The following DNAH14 variants were observed in gnomAD, a reference collection of about 807,000 sequenced individuals.
The protein encoded by DNAH14 is dynein axonemal heavy chain 14.
In DNAH14, 478 loss-of-function variants were observed where a neutral mutation model predicts 520.9. That is an observed-to-expected ratio of 0.92 (90% confidence interval 0.85 to 0.99). DNAH14 has a LOEUF of 0.99. Ranked by LOEUF, DNAH14 falls within the 50% of genes least tolerant of loss-of-function variation. The pLI is 0.00. For missense variants in DNAH14, 4,831 were observed against 5,234.5 expected (o/e 0.92, Z 2.38); for synonymous variants, 1,581 against 1,757.2 (o/e 0.90, Z 2.51).
At chr1:225,062,118 G>T (rs2070223903) in intron 17 of DNAH14, among the ~76,000 whole-genome samples, 1 of 147,032 alleles carries the variant, frequency 6.8e-6, no homozygotes, top group South Asian at 2.2e-4. Context: ...GGGCAATGTG[G>T]TGAAAACCCA....
At chr1:224,981,883 A>C (rs920094974) in intron 8 of DNAH14, among the ~76,000 whole-genome samples, 2 of 152,142 alleles carry the variant, frequency 1.3e-5, no homozygotes, top group African/African-American at 4.8e-5. Context: ...AATATTAGGG[A>C]AAGTTATAGG....
At chr1:225,013,900 G>T (rs1310225998) in intron 10 of DNAH14, among the ~76,000 whole-genome samples, 1 of 152,134 alleles carries the variant, frequency 6.6e-6, no homozygotes, top group African/African-American at 2.4e-5. Context: ...CTCCTTGGGG[G>T]TGGGATCTGT....
intron 37 of DNAH14, among the ~76,000 whole-genome samples, chr1:225,189,110 T>A (rs374704285): frequency 8.6e-5 from 13 of 151,858 alleles, no homozygotes; most frequent in African/African-American, 2.7e-4. Flanking sequence ...GATATGATCG[T>A]GTGGTTTCTT....
At chr1:225,208,490 A>G (rs555438979) in intron 41 of DNAH14, among the ~76,000 whole-genome samples, 1 of 152,186 alleles carries the variant, frequency 6.6e-6, no homozygotes, top group African/African-American at 2.4e-5. Context: ...TATACAACAA[A>G]TATGTTTCTA....
At chr1:224,951,022 G>T (rs1485035954) in intron 1 of DNAH14, among the ~76,000 whole-genome samples, 1 of 151,884 alleles carries the variant, frequency 6.6e-6, no homozygotes, top group African/African-American at 2.4e-5. Flanking sequence ...TTTACTCTTT[G>T]GCTCTTTTTA....
chr1:225,206,882 G>A, intron 40 of DNAH14, 86 bp from the exon 41 acceptor site: 1 of 1,169,804 alleles, frequency 8.5e-7, no homozygotes, highest in Non-Finnish European at 1.1e-6. Flanking sequence ...AGAGGGCAGT[G>A]GTGAAGTAAA....
At chr1:224,973,117 G>T (rs879754738) in intron 7 of DNAH14, among the ~76,000 whole-genome samples, 1 of 152,218 alleles carries the variant, frequency 6.6e-6, no homozygotes, top group Non-Finnish European at 1.5e-5. Context: ...TTAAGGTCAA[G>T]TTACTAGATT....
rs114417593 is a variant in DNAH14, at chr1:225,124,291, C to T, written c.4254+677C>T. ...AAAATTAGATAACAATGAAGTTTGCCACATGGCTTGACTCTTCCTTTCCCA... is the reference window on the plus strand; with the variant it reads ...AAAATTAGATAACAATGAAGTTTGCTACATGGCTTGACTCTTCCTTTCCCA... On this transcript the variant is annotated intron_variant, in intron 27 of 85. Transcript: ENST00000682510. Among the ~76,000 whole-genome samples, 765 of 152,268 alleles carry T rather than the reference C, an allele frequency of 5.0e-3. 6 individuals are homozygous for T. The highest frequency in any genetic ancestry group is 0.017 in the African/African-American group (722 of 41,542).
At chr1:225,024,024 T>G in intron 11 of DNAH14, 159 bp downstream of exon 11, 1 of 1,350,686 alleles carries the variant, frequency 7.4e-7, no homozygotes. Context: ...ACTTATTATT[T>G]GGTAATACCT....
At chr1:225,343,085 C>T (rs1342676954) in intron 69 of DNAH14, among the ~76,000 whole-genome samples, 1 of 152,190 alleles carries the variant, frequency 6.6e-6, no homozygotes, top group Non-Finnish European at 1.5e-5. Context: ...AACTTTTCCC[C>T]ACCGGAAGGA....
intron 61 of DNAH14, among the ~76,000 whole-genome samples, chr1:225,320,427 T>A (rs2094537605): frequency 6.6e-6 from 1 of 152,244 alleles, no homozygotes; most frequent in South Asian, 2.1e-4. Flanking sequence ...AGCCTTGTCT[T>A]TGAACTCCTT....
At chr1:225,187,737 T>A (rs185444644) in intron 37 of DNAH14, among the ~76,000 whole-genome samples, 2 of 152,026 alleles carry the variant, frequency 1.3e-5, no homozygotes, top group Admixed American at 6.6e-5. Flanking sequence ...ATTGGCCATT[T>A]GTGTATCTTC....
chr1:225,373,644 T>C (rs7518221), intron 77 of DNAH14, among the ~76,000 whole-genome samples: 79,290 of 152,072 alleles, frequency 0.52, 22,864 homozygotes, highest in Middle Eastern at 0.71. Flanking sequence ...ACAAGAATTC[T>C]GTCAATGGTG....
At chr1:225,195,078 C>T (rs1222736513) in intron 38 of DNAH14, among the ~76,000 whole-genome samples, 1 of 152,096 alleles carries the variant, frequency 6.6e-6, no homozygotes, top group African/African-American at 2.4e-5. Flanking sequence ...TTAGTTCAGC[C>T]ACTGTGGAAA....
At chr1:225,112,630 C>A (rs2076569198) in intron 23 of DNAH14, among the ~76,000 whole-genome samples, 3 of 151,930 alleles carry the variant, frequency 2.0e-5, no homozygotes, top group African/African-American at 7.3e-5. Context: ...ATTTTTCTAG[C>A]TGCTATTTTC....
intron 84 of DNAH14, chr1:225,395,583 C>G (rs1189233368): frequency 1.4e-5 from 1 of 73,678 alleles, no homozygotes; most frequent in African/African-American, 3.3e-5. Context: ...CAGAGTGAGA[C>G]TCCCGTCTCA....
chr1:224,996,164 T>G (rs1409703433), intron 8 of DNAH14, among the ~76,000 whole-genome samples: 2 of 151,892 alleles, frequency 1.3e-5, no homozygotes, highest in Non-Finnish European at 2.9e-5. Flanking sequence ...CTCTTTCAGC[T>G]TTTATAGGTT....
intron 5 of DNAH14, among the ~76,000 whole-genome samples, chr1:224,966,529 G>A (rs1455062613): frequency 6.6e-6 from 1 of 151,986 alleles, no homozygotes; most frequent in African/African-American, 2.4e-5. Flanking sequence ...TCCTTAATGT[G>A]GAATGGCTGA....
intron 69 of DNAH14, among the ~76,000 whole-genome samples, chr1:225,345,386 G>A (rs2095271047): frequency 6.6e-6 from 1 of 152,134 alleles, no homozygotes; most frequent in South Asian, 2.1e-4. Flanking sequence ...CAAAACAGAA[G>A]AGTTTATAAT....
Sources: gnomAD v4.1 joint callset for allele counts (sites outside exome capture counted in the v4.1 genomes callset) on GRCh38, gnomAD v4.1.1 for gene constraint, MANE v1.5 for transcripts, NCBI Gene and HGNC (gene_info 2026-07-23, HGNC 2026-07-21) for gene names.